Variants in ALMS1 observed in about 807,000 individuals in gnomAD.
The protein encoded by ALMS1 is centrosome-associated protein ALMS1.
Under a neutral mutation model 352.2 loss-of-function variants are expected in ALMS1, and 271 were observed. The observed-to-expected ratio is 0.77, with a 90% CI of 0.70 to 0.85. The LOEUF is 0.85. Among genes scored for constraint, ALMS1 ranks in the 40% least tolerant of loss-of-function variants. The pLI is 0.00. For missense variants in ALMS1, 5,445 were observed against 4,870.7 expected (o/e 1.12, Z -3.51); for synonymous variants, 1,865 against 1,761.2 (o/e 1.06, Z -1.48).
chr2:73,520,014 A>C lies in ALMS1; in HGVS notation c.9779A>C (p.Asp3260Ala), dbSNP rs745518051. The C allele has an allele frequency of 2.1e-5, 34 of 1,613,940 alleles. No homozygotes were observed. Among genetic ancestry groups the C allele is most frequent in the Non-Finnish European group, 2.8e-5 (33 of 1,179,954 alleles). ...CAGGTTACTTTTTCTCGCGGCACAGATGGTAAGAGAATGTGATTGCATTTT... is the reference window on the plus strand; with the variant it reads ...CAGGTTACTTTTTCTCGCGGCACAGCTGGTAAGAGAATGTGATTGCATTTT... ...VQQVTFSRGT[D>A]GQPLLLPYKP... Residue 3260 changes from aspartate (D) to alanine (A), a missense_variant and splice_region_variant, in exon 11 of 23, where the codon GAT becomes GCT. By Grantham distance (126) the Asp-to-Ala change is moderately radical. Transcript: ENST00000613296.
intron 9 of ALMS1, among the ~76,000 whole-genome samples, chr2:73,465,369 C>G (rs1202322249): frequency 8.5e-5 from 13 of 152,054 alleles, no homozygotes; most frequent in East Asian, 5.8e-4. Flanking sequence ...ACAAACCTGA[C>G]AAAAACAAGA....
At chr2:73,486,776 C>G (rs1488707323) in intron 9 of ALMS1, among the ~76,000 whole-genome samples, 1 of 152,176 alleles carries the variant, frequency 6.6e-6, no homozygotes, top group East Asian at 1.9e-4. Context: ...TGGCCAGGCG[C>G]AGTGGCTCAT....
intron 12 of ALMS1, among the ~76,000 whole-genome samples, chr2:73,540,322 G>A (rs1007098984): frequency 1.3e-5 from 2 of 152,194 alleles, no homozygotes; most frequent in African/African-American, 2.4e-5. Flanking sequence ...CAAATGCTGA[G>A]AGATTTTGTC....
chr2:73,410,231 A>G (rs561941365), intron 2 of ALMS1, among the ~76,000 whole-genome samples: 2 of 152,264 alleles, frequency 1.3e-5, no homozygotes, highest in East Asian at 1.9e-4. Context: ...TCTACTAAAA[A>G]TACAAAAATT....
chr2:73,561,024 A>G (rs903149231), intron 15 of ALMS1, among the ~76,000 whole-genome samples: 1 of 152,262 alleles, frequency 6.6e-6, no homozygotes, highest in African/African-American at 2.4e-5. Flanking sequence ...GCAAGCTTAC[A>G]GTGGCGTGAA....
At chr2:73,412,379 AT>A (rs1671096460) in intron 2 of ALMS1, among the ~76,000 whole-genome samples, 1 of 152,168 alleles carries the variant, frequency 6.6e-6, no homozygotes, top group African/African-American at 2.4e-5. Context: ...AGCTTTTGAG[AT>A]TTATCCATGT....
At chr2:73,596,957 T>C (rs1363411023) in intron 16 of ALMS1, among the ~76,000 whole-genome samples, 1 of 151,048 alleles carries the variant, frequency 6.6e-6, no homozygotes, top group Non-Finnish European at 1.5e-5. Flanking sequence ...TGTAGATTTC[T>C]TGAAAAATGC....
intron 16 of ALMS1, among the ~76,000 whole-genome samples, chr2:73,590,094 G>A (rs1028648594): frequency 1.3e-5 from 2 of 151,146 alleles, no homozygotes; most frequent in African/African-American, 4.9e-5. Flanking sequence ...AACATCTAGA[G>A]TATCTCTTTA....
At chr2:73,589,755 G>A (rs987479339) in intron 16 of ALMS1, among the ~76,000 whole-genome samples, 2 of 152,178 alleles carry the variant, frequency 1.3e-5, no homozygotes, top group South Asian at 4.1e-4. Context: ...ACACCCAGGA[G>A]CACCCAGGTT....
At chr2:73,389,777 C>T (rs888948365) in intron 1 of ALMS1, among the ~76,000 whole-genome samples, 8 of 152,042 alleles carry the variant, frequency 5.3e-5, no homozygotes, top group Non-Finnish European at 2.9e-5. Flanking sequence ...GCAACCTCTG[C>T]CTCCTGGGTT....
At chr2:73,522,334 T>C (rs11685372) in intron 11 of ALMS1, among the ~76,000 whole-genome samples, 20,200 of 152,162 alleles carry the variant, frequency 0.13, 1,411 homozygotes, top group East Asian at 0.22. Context: ...AATTAATAAA[T>C]CAGTATTCTA....
chr2:73,444,224 T>G (rs1400652615), intron 7 of ALMS1, among the ~76,000 whole-genome samples: 1 of 152,148 alleles, frequency 6.6e-6, no homozygotes, highest in Non-Finnish European at 1.5e-5. Context: ...ATGAGGAGCC[T>G]GGAAGCAAGA....
intron 7 of ALMS1, among the ~76,000 whole-genome samples, chr2:73,443,473 T>C (rs887266380): frequency 3.9e-5 from 6 of 152,186 alleles, no homozygotes; most frequent in Non-Finnish European, 7.3e-5. Flanking sequence ...TTTTTCACTG[T>C]TCACCATGAC....
chr2:73,478,644 A>C (rs1672630364), intron 9 of ALMS1, among the ~76,000 whole-genome samples: 1 of 143,360 alleles, frequency 7.0e-6, no homozygotes, highest in African/African-American at 2.5e-5. Flanking sequence ...TTATTTATTT[A>C]GTAATTTATT....
chr2:73,387,044 T>G (rs938222998), intron 1 of ALMS1, among the ~76,000 whole-genome samples: 9 of 152,206 alleles, frequency 5.9e-5, no homozygotes, highest in Non-Finnish European at 1.3e-4. Context: ...TTCTTACCGG[T>G]TTTCAAGTGC....
In ALMS1 at chr2:73,451,370, T is replaced by G. The variant is rs375736124; in HGVS notation, c.4843T>G (p.Leu1615Val). 6.2e-7 allele frequency: 1 copy of G among 1,613,818 alleles called. No individual in the cohort carries two copies. Among genetic ancestry groups the G allele is most frequent in the African/African-American group, 1.3e-5 (1 of 74,860 alleles). The change falls in exon 8 of 23, where the codon TTA becomes GTA. Residue 1615 changes from leucine to valine, a missense_variant. Physicochemically the swap from Leu to Val is conservative, Grantham distance 32 (BLOSUM62 1). Coordinates refer to ENST00000613296, the MANE Select transcript of ALMS1 (RefSeq NM_001378454.1). ...AAAGACTGACATACCAGCAGGACCT[T>G]TAGGTTCCAGTGCACTTGGAGAGAA... ...EKKTDIPAGP[L>V]GSSALGEKPI...
chr2:73,482,898 T>C (rs1302375564), intron 9 of ALMS1, among the ~76,000 whole-genome samples: 1 of 152,194 alleles, frequency 6.6e-6, no homozygotes. Context: ...GATGGTAGTT[T>C]GTATTTCTGT....
Position 73,572,614 on chromosome 2 carries a change from T to G in ALMS1, c.10737T>G (p.Asp3579Glu). The change falls in exon 16 of 23, where the codon GAT (aspartate) becomes GAG (glutamate). Residue 3579 changes from aspartate to glutamate, a missense_variant. Coordinates refer to ENST00000613296, the MANE Select transcript of ALMS1 (RefSeq NM_001378454.1). The stretch of plus-strand genomic sequence containing the variant: ...CAAAACATAATGGACAAATTAGTGA[T>G]CCACAAAGGGATCAGAAGGTCACCC... ...DYPKHNGQIS[D>E]PQRDQKVTPE... is the part of the protein sequence containing the mutation. 5 of 1,613,920 alleles carry G rather than the reference T, an allele frequency of 3.1e-6. No homozygotes were observed. The highest frequency in any genetic ancestry group is 4.2e-6 in the Non-Finnish European group (5 of 1,179,992).
chr2:73,587,841 CA>C (rs1193024916), intron 16 of ALMS1, among the ~76,000 whole-genome samples: 1 of 152,136 alleles, frequency 6.6e-6, no homozygotes, highest in Non-Finnish European at 1.5e-5. Flanking sequence ...GGAGATATTA[CA>C]ACCAATACCA....
Sources: gnomAD v4.1 joint callset for allele counts (sites outside exome capture counted in the v4.1 genomes callset) on GRCh38, gnomAD v4.1.1 for gene constraint, MANE v1.5 for transcripts, NCBI Gene and HGNC (gene_info 2026-07-23, HGNC 2026-07-21) for gene names.